Variants in TLL1 observed in about 807,000 individuals in gnomAD.
TLL1 encodes tolloid like 1, also known as tolloid-like protein 1.
TLL1 carries 49 observed loss-of-function variants against 128.2 expected under a neutral mutation model. That is an observed-to-expected ratio of 0.38 (90% CI 0.30 to 0.48). The LOEUF is 0.48. TLL1 is among the 20% of genes least tolerant of loss of function. The pLI is 0.96. For synonymous variants in TLL1, 454 were observed against 418.8 expected (o/e 1.08, Z -1.03); for missense variants, 1,123 against 1,242.0 (o/e 0.90, Z 1.44).
At chr4:165,950,789 C>T (rs1734475411) in intron 1 of TLL1, among the ~76,000 whole-genome samples, 1 of 151,914 alleles carries the variant, frequency 6.6e-6, no homozygotes, top group South Asian at 2.1e-4. Flanking sequence ...GAATTTATAG[C>T]ATTAAATGCT....
chr4:166,086,797 G>A (rs1181665622), intron 18 of TLL1, among the ~76,000 whole-genome samples: 1 of 152,104 alleles, frequency 6.6e-6, no homozygotes, highest in African/African-American at 2.4e-5. Flanking sequence ...CTCCACAGCT[G>A]TAGAAGAATA....
chr4:165,953,018 T>C (rs1396334190), intron 1 of TLL1, among the ~76,000 whole-genome samples: 1 of 152,146 alleles, frequency 6.6e-6, no homozygotes, highest in African/African-American at 2.4e-5. Flanking sequence ...TTTTGGCAGA[T>C]GTTTTCAAAC....
intron 1 of TLL1, among the ~76,000 whole-genome samples, chr4:165,967,304 T>C (rs1398564098): frequency 6.6e-6 from 1 of 152,100 alleles, no homozygotes; most frequent in Non-Finnish European, 1.5e-5. Context: ...GATAACACAA[T>C]CATCACAGGA....
Position 166,101,603 on chromosome 4 carries a change from T to C in TLL1, c.*727T>C, listed in dbSNP as rs1483731406. 6.6e-6 allele frequency: 1 copy of C among 152,546 alleles called. No homozygotes were observed. The highest frequency in any genetic ancestry group is 2.4e-5 in the African/African-American group (1 of 41,450). 9.4% of individuals were successfully genotyped at this position (152,546 alleles called of 1,614,324 possible). On this transcript the variant is annotated 3_prime_UTR_variant, in exon 21 of 21. Coordinates refer to ENST00000061240, the MANE Select transcript of TLL1 (RefSeq NM_012464.5). Reference sequence around the variant, plus strand: ...TAAGTCTCAGAAAACGCCCAGTGAATTGGTAAACTTAGTTCTTTTTTTTGG... The same window carrying C: ...TAAGTCTCAGAAAACGCCCAGTGAACTGGTAAACTTAGTTCTTTTTTTTGG...
chr4:166,072,862 G>A (rs1000335060), intron 16 of TLL1, among the ~76,000 whole-genome samples: 9 of 151,608 alleles, frequency 5.9e-5, no homozygotes, highest in African/African-American at 2.2e-4. Flanking sequence ...CACACTGTTC[G>A]TCTCTGAGCA....
At chr4:166,027,741 GAAAACCTCATAGAATATGAA>G (rs539916991) in intron 9 of TLL1, among the ~76,000 whole-genome samples, 1 of 152,142 alleles carries the variant, frequency 6.6e-6, no homozygotes, top group African/African-American at 2.4e-5. Context: ...ATTTTAAAAA[GAAAACCTCATAGAATATGAA>G]AAGTTTGGGA....
intron 1 of TLL1, chr4:165,919,875 T>C (rs1446098639): frequency 8.8e-6 from 4 of 455,094 alleles, no homozygotes; most frequent in Non-Finnish European, 1.8e-5. Context: ...ATGCCTGGGC[T>C]GCCCGAGCCC....
intron 1 of TLL1, among the ~76,000 whole-genome samples, chr4:165,916,162 A>G (rs1277930117): frequency 1.3e-5 from 2 of 152,266 alleles, no homozygotes; most frequent in South Asian, 2.1e-4. Flanking sequence ...CCGTTTGAAG[A>G]ACTGCGAGCT....
intron 1 of TLL1, among the ~76,000 whole-genome samples, chr4:165,895,958 A>C (rs1176764153): frequency 1.3e-5 from 2 of 152,132 alleles, no homozygotes; most frequent in African/African-American, 4.8e-5. Context: ...TTATATTTTA[A>C]GTTCAGGGAT....
At chr4:166,025,969 CAATAA>C (rs1268461034) in intron 9 of TLL1, among the ~76,000 whole-genome samples, 1 of 151,174 alleles carries the variant, frequency 6.6e-6, no homozygotes, top group Non-Finnish European at 1.5e-5. Flanking sequence ...AGAAAAAGAG[CAATAA>C]AATAAAAGAT....
intron 1 of TLL1, among the ~76,000 whole-genome samples, chr4:165,973,313 G>A (rs767152679): frequency 6.6e-6 from 1 of 151,838 alleles, no homozygotes; most frequent in Non-Finnish European, 1.5e-5. Context: ...TCTTTTAAGG[G>A]CATCAAATCC....
intron 1 of TLL1, among the ~76,000 whole-genome samples, chr4:165,874,339 C>T (rs1307079585): frequency 3.9e-5 from 6 of 152,282 alleles, no homozygotes; most frequent in Admixed American, 2.0e-4. Context: ...AGTTTCTGAT[C>T]CCTCTCCCCT....
At chr4:165,892,406 C>G (rs12500750) in intron 1 of TLL1, among the ~76,000 whole-genome samples, 36,182 of 152,074 alleles carry the variant, frequency 0.24, 5,565 homozygotes, top group East Asian at 0.51. Flanking sequence ...CCCCAAATTC[C>G]TCATGTAAGA....
intron 2 of TLL1, among the ~76,000 whole-genome samples, chr4:165,990,094 CAT>C (rs970664834): frequency 2.6e-5 from 4 of 151,780 alleles, no homozygotes; most frequent in African/African-American, 9.7e-5. Flanking sequence ...TTGATTTAAA[CAT>C]GTTTGAATTA....
chr4:166,015,191 A>G (rs767198367), intron 8 of TLL1, among the ~76,000 whole-genome samples: 13 of 152,070 alleles, frequency 8.5e-5, no homozygotes, highest in Non-Finnish European at 1.5e-4. Context: ...TCTAGATTCT[A>G]TGTACCTCCA....
intron 11 of TLL1, among the ~76,000 whole-genome samples, chr4:166,042,633 A>T (rs1470147103): frequency 6.6e-6 from 1 of 152,226 alleles, no homozygotes; most frequent in Non-Finnish European, 1.5e-5. Context: ...CTAAAACAAT[A>T]AACTGGCATT....
chr4:165,891,095 T>A (rs1731381516), intron 1 of TLL1, among the ~76,000 whole-genome samples: 1 of 152,150 alleles, frequency 6.6e-6, no homozygotes, highest in African/African-American at 2.4e-5. Flanking sequence ...TATTTTTCCC[T>A]TTTAGCCACG....
chr4:165,966,660 G>T (rs1192629196), intron 1 of TLL1, among the ~76,000 whole-genome samples: 2 of 152,084 alleles, frequency 1.3e-5, no homozygotes, highest in East Asian at 1.9e-4. Flanking sequence ...ATGTCGGCAG[G>T]TTCCGTGACG....
intron 1 of TLL1, among the ~76,000 whole-genome samples, chr4:165,957,019 T>A (rs1734835036): frequency 6.6e-6 from 1 of 152,026 alleles, no homozygotes; most frequent in South Asian, 2.1e-4. Context: ...TAACCTTAAA[T>A]GTAAACAATC....
Sources: allele counts gnomAD v4.1 joint callset (sites outside exome capture counted in the v4.1 genomes callset), GRCh38; gene constraint gnomAD v4.1.1; transcripts MANE v1.5; gene names NCBI Gene and HGNC (gene_info 2026-07-23, HGNC 2026-07-21).